The following LRMDA variants were observed in gnomAD, a reference collection of about 807,000 sequenced individuals.
LRMDA encodes leucine-rich melanocyte differentiation-associated protein.
Under a neutral mutation model 29.8 loss-of-function variants are expected in LRMDA, and 18 were observed. The ratio of observed to expected loss-of-function variants is 0.60; its 90% CI spans 0.42 to 0.90. The LOEUF (loss-of-function observed/expected upper bound fraction) is 0.90, where lower values mean the gene tolerates loss of function less well. Among genes scored for constraint, LRMDA ranks in the 40% least tolerant of loss-of-function variants. LRMDA has a pLI of 0.00. For missense variants in LRMDA, 273 were observed against 273.9 expected, an observed-to-expected ratio of 1.00 and a Z score of 0.02; for synonymous variants, 125 against 109.4, an observed-to-expected ratio of 1.14 and a Z score of -0.89.
intron 5 of LRMDA, among the ~76,000 whole-genome samples, chr10:76,066,276 A>C (rs1306982434): frequency 6.6e-6 from 1 of 152,216 alleles, no homozygotes; most frequent in African/African-American, 2.4e-5. Flanking sequence ...CTAGTGGTAC[A>C]TTAGATGCAC....
At chr10:76,062,325 A>G (rs1848714078) in intron 5 of LRMDA, among the ~76,000 whole-genome samples, 2 of 152,156 alleles carry the variant, frequency 1.3e-5, no homozygotes, top group Non-Finnish European at 2.9e-5. Flanking sequence ...AGAATGGAAA[A>G]TGTCCCTCCA....
chr10:76,314,389 G>A (rs10824396), intron 5 of LRMDA, among the ~76,000 whole-genome samples: 22,888 of 152,076 alleles, frequency 0.15, 3,047 homozygotes, highest in African/African-American at 0.36. Flanking sequence ...ATTCTTTTAG[G>A]TTCTATCTGC....
intron 2 of LRMDA, among the ~76,000 whole-genome samples, chr10:75,896,841 TTGTGTGTGTGTG>T (rs35428137): frequency 6.8e-6 from 1 of 147,442 alleles, no homozygotes; most frequent in African/African-American, 2.5e-5. Flanking sequence ...GAGTGTGCAT[TTGTGTGTGTGTG>T]TGTGTGTGTG....
chr10:75,660,060 T>A (rs1467835075), intron 2 of LRMDA, among the ~76,000 whole-genome samples: 1 of 152,202 alleles, frequency 6.6e-6, no homozygotes, highest in East Asian at 1.9e-4. Flanking sequence ...TGGGTGTCTC[T>A]GTCTTTCTCC....
intron 6 of LRMDA, 39 bp downstream of exon 6, chr10:76,324,524 G>A: frequency 6.4e-7 from 1 of 1,570,032 alleles, no homozygotes; most frequent in African/African-American, 1.4e-5. Context: ...GTGGGTGCAG[G>A]GAGGGACACT....
intron 6 of LRMDA, among the ~76,000 whole-genome samples, chr10:76,390,774 A>G (rs1841714508): frequency 6.6e-6 from 1 of 152,168 alleles, no homozygotes; most frequent in South Asian, 2.1e-4. Context: ...GCCAGGGTCC[A>G]TTCAGATTTG....
At chr10:76,201,034 A>G (rs940812178) in intron 5 of LRMDA, among the ~76,000 whole-genome samples, 2 of 147,210 alleles carry the variant, frequency 1.4e-5, no homozygotes, top group Non-Finnish European at 3.0e-5. Context: ...TTTATTTCGT[A>G]ACGCTTAGTG....
chr10:75,448,790 C>A (rs1844423210), intron 2 of LRMDA, among the ~76,000 whole-genome samples: 1 of 152,108 alleles, frequency 6.6e-6, no homozygotes, highest in African/African-American at 2.4e-5. Context: ...GCCAATAATA[C>A]CAAGAGAGAA....
chr10:76,501,317 T>C, intron 6 of LRMDA, among the ~76,000 whole-genome samples: 1 of 152,024 alleles, frequency 6.6e-6, no homozygotes, highest in East Asian at 1.9e-4. Flanking sequence ...GTATTGTGAA[T>C]GGTGCAGCAA....
At chr10:76,152,829 G>T (rs1850469360) in intron 5 of LRMDA, among the ~76,000 whole-genome samples, 1 of 149,226 alleles carries the variant, frequency 6.7e-6, no homozygotes, top group Non-Finnish European at 1.5e-5. Context: ...TTAAAAAACT[G>T]TCTATTCACA....
At chr10:75,924,223 A>G (rs1357225990) in intron 2 of LRMDA, among the ~76,000 whole-genome samples, 1 of 152,238 alleles carries the variant, frequency 6.6e-6, no homozygotes, top group Non-Finnish European at 1.5e-5. Context: ...CGTGCAATGC[A>G]GTGAACTTTA....
At chr10:75,446,091 T>C (rs181108961) in intron 2 of LRMDA, among the ~76,000 whole-genome samples, 45 of 152,344 alleles carry the variant, frequency 3.0e-4, no homozygotes, top group African/African-American at 1.1e-3. Flanking sequence ...AGAGCTGCTT[T>C]GAGGACAGAC....
intron 2 of LRMDA, among the ~76,000 whole-genome samples, chr10:75,802,768 C>G (rs1007697878): frequency 6.6e-6 from 1 of 151,936 alleles, no homozygotes; most frequent in Non-Finnish European, 1.5e-5. Flanking sequence ...AAATACTCTT[C>G]CAATTTAATG....
At chr10:75,565,191 C>G (rs143176965) in intron 2 of LRMDA, among the ~76,000 whole-genome samples, 1 of 152,198 alleles carries the variant, frequency 6.6e-6, no homozygotes, top group African/African-American at 2.4e-5. Flanking sequence ...GTCACATGAC[C>G]TTGGCAGGTC....
At chr10:76,357,753 A>G (rs1156979927) in intron 6 of LRMDA, among the ~76,000 whole-genome samples, 1 of 152,216 alleles carries the variant, frequency 6.6e-6, no homozygotes, top group African/African-American at 2.4e-5. Context: ...CCAAGTGCCT[A>G]GAGACCCACA....
At chr10:75,708,653 GCTC>G (rs1842399623) in intron 2 of LRMDA, among the ~76,000 whole-genome samples, 1 of 152,044 alleles carries the variant, frequency 6.6e-6, no homozygotes. Context: ...GAGATCATTG[GCTC>G]AATTAAAAAA....
rs1848164631 is a variant in LRMDA, at chr10:76,032,348, C to T, written c.132-3660C>T. ...GGCAGGGCTGCACGCCTGTTCGGCG[C>T]TGCTGTTTTCATAAGCTAATGAGGG... On this transcript the variant is annotated intron_variant, in intron 2 of 6. Transcript: ENST00000611255. Among the ~76,000 whole-genome samples the T allele has an allele frequency of 2.0e-5, 3 of 152,212 alleles. No individual in the cohort carries two copies. The South Asian group carries it at 6.2e-4, about 31-fold the overall frequency.
chr10:76,365,083 C>CAT (rs1564521424), intron 6 of LRMDA, among the ~76,000 whole-genome samples: 2 of 50,948 alleles, frequency 3.9e-5, no homozygotes, highest in South Asian at 5.2e-4. Flanking sequence ...CACACACACA[C>CAT]ACATATATAT....
intron 2 of LRMDA, among the ~76,000 whole-genome samples, chr10:75,491,627 G>A (rs535266749): frequency 1.3e-5 from 2 of 152,294 alleles, no homozygotes; most frequent in Admixed American, 6.5e-5. Context: ...GGCTTTTCTT[G>A]TGTAGTCAGC....
Sources: gnomAD v4.1 joint callset for allele counts (sites outside exome capture counted in the v4.1 genomes callset) on GRCh38, gnomAD v4.1.1 for gene constraint, MANE v1.5 for transcripts, NCBI Gene and HGNC (gene_info 2026-07-23, HGNC 2026-07-21) for gene names.